Variants in TTBK2 observed in about 807,000 individuals in gnomAD.
TTBK2 encodes tau-tubulin kinase 2.
TTBK2 carries 28 observed loss-of-function variants against 110.8 expected under a neutral mutation model. That is an observed-to-expected ratio of 0.25 (90% CI 0.19 to 0.35). The LOEUF (loss-of-function observed/expected upper bound fraction) is 0.35. Ranked by LOEUF, TTBK2 falls within the 10% of genes least tolerant of loss-of-function variation. The pLI is 1.00. For synonymous variants in TTBK2, 532 were observed against 527.3 expected (o/e 1.01, Z -0.12); for missense variants, 1,369 against 1,500.3 (o/e 0.91, Z 1.45).
chr15:42,825,484 G>T (rs921641842), intron 6 of TTBK2, among the ~76,000 whole-genome samples: 2 of 152,172 alleles, frequency 1.3e-5, no homozygotes, highest in African/African-American at 4.8e-5. Flanking sequence ...GCCAAAGAGG[G>T]TGGATCCCTT....
intron 1 of TTBK2, among the ~76,000 whole-genome samples, chr15:42,897,323 AT>A (rs540248270): frequency 2.0e-5 from 3 of 152,042 alleles, no homozygotes; most frequent in Non-Finnish European, 2.9e-5. Context: ...ATCTATAATC[AT>A]TTTTTTTACT....
intron 9 of TTBK2, chr15:42,802,284 C>T (rs1361238932): frequency 1.3e-6 from 1 of 792,324 alleles, no homozygotes; most frequent in African/African-American, 1.7e-5. Context: ...TGCTGCTGCC[C>T]ATTCGGGAGA....
chr15:42,786,994 G>A (rs962271343), intron 10 of TTBK2, among the ~76,000 whole-genome samples: 1 of 152,270 alleles, frequency 6.6e-6, no homozygotes, highest in Non-Finnish European at 1.5e-5. Flanking sequence ...CAGATTAAGG[G>A]AATAAGTAAG....
intron 7 of TTBK2, among the ~76,000 whole-genome samples, chr15:42,816,118 A>ATATATATATATATATATG (rs1235814767): frequency 2.9e-5 from 3 of 104,164 alleles, no homozygotes; most frequent in African/African-American, 1.2e-4. Context: ...ATATATATAT[A>ATATATATATATATATATG]TGTGTATATT....
At chr15:42,780,668 C>T (rs1890144190) in intron 11 of TTBK2, among the ~76,000 whole-genome samples, 1 of 151,910 alleles carries the variant, frequency 6.6e-6, no homozygotes, top group African/African-American at 2.4e-5. Context: ...GAAACAAGTT[C>T]ATATAAAAAT....
At position 42,743,638 on chromosome 15, in the gene TTBK2, CACTCTA is replaced by C. The variant is rs1213010696; in HGVS notation, c.*2151_*2156del. On this transcript the variant is annotated 3_prime_UTR_variant, in exon 15 of 15. Transcript: ENST00000267890. ...AGACTCATCATCATCCCAGTTTATCCACTCTAACTATAAGGAGAGAACTATGTGATT... is the reference window on the plus strand; with the variant it reads ...AGACTCATCATCATCCCAGTTTATCCACTATAAGGAGAGAACTATGTGATT... 2.6e-5 allele frequency: 4 copies of C among 152,200 alleles called. No individual in the cohort carries two copies. Among genetic ancestry groups the C allele is most frequent in the Non-Finnish European group, 1.5e-5 (1 of 68,030 alleles). The allele number at this position is 152,200 out of a possible 1,614,324, so 9.4% of individuals were successfully genotyped here.
At chr15:42,771,484 G>C (rs1321462519) in intron 13 of TTBK2, among the ~76,000 whole-genome samples, 1 of 152,056 alleles carries the variant, frequency 6.6e-6, no homozygotes. Flanking sequence ...TGACAGGTTG[G>C]TGCCAACTTG....
chr15:42,831,511 A>G (rs1892758209), intron 4 of TTBK2, among the ~76,000 whole-genome samples: 1 of 152,232 alleles, frequency 6.6e-6, no homozygotes, highest in Admixed American at 6.5e-5. Flanking sequence ...TCTGCCATTC[A>G]TGATTGCACT....
chr15:42,834,046 G>A (rs559944325), intron 4 of TTBK2, among the ~76,000 whole-genome samples: 1 of 151,172 alleles, frequency 6.6e-6, no homozygotes, highest in South Asian at 2.1e-4. Flanking sequence ...AACAAAATTA[G>A]CTGGGCATGG....
At chr15:42,889,863 T>C (rs1030956318) in intron 1 of TTBK2, among the ~76,000 whole-genome samples, 3 of 152,116 alleles carry the variant, frequency 2.0e-5, no homozygotes, top group African/African-American at 4.8e-5. Flanking sequence ...CTGAGAAACA[T>C]TGCCCATTAT....
At chr15:42,820,973 C>T (rs1338685811) in intron 6 of TTBK2, among the ~76,000 whole-genome samples, 1 of 151,870 alleles carries the variant, frequency 6.6e-6, no homozygotes, top group Admixed American at 6.6e-5. Flanking sequence ...ACTGCTGAGC[C>T]ATGGCTGTAG....
intron 1 of TTBK2, among the ~76,000 whole-genome samples, chr15:42,899,706 T>C (rs1895808826): frequency 6.6e-6 from 1 of 151,060 alleles, no homozygotes; most frequent in South Asian, 2.1e-4. Flanking sequence ...GCCACTGCAC[T>C]CCAGCCTAGT....
At chr15:42,759,920 A>T (rs1366780582) in intron 13 of TTBK2, among the ~76,000 whole-genome samples, 2 of 152,222 alleles carry the variant, frequency 1.3e-5, no homozygotes, top group Non-Finnish European at 2.9e-5. Flanking sequence ...ATCATAAGGA[A>T]TTATACAAAA....
chr15:42,768,013 G>A (rs751102645), intron 13 of TTBK2, among the ~76,000 whole-genome samples: 5 of 152,082 alleles, frequency 3.3e-5, no homozygotes, highest in South Asian at 2.1e-4. Flanking sequence ...GACAAAAACC[G>A]TATGTTTATC....
In TTBK2 at chr15:42,753,019, G is replaced by C. The variant is rs1335612485; in HGVS notation, c.2227C>G (p.Pro743Ala). Residue 743 changes from proline (P) to alanine (A), a missense_variant, in exon 14 of 15, where the codon CCC becomes GCC. Around this residue, in one of 4 missense-constraint regions of TTBK2, gnomAD observed 1,097 missense variants for 1,114.7 expected, o/e 0.98. Transcript: ENST00000267890. ...GATTTGTTACTTTCTCTAATGTTGG[G>C]TAACATGTCATGACCAATGTGATCT... ...QIDHIGHDML[P>A]NIRESNKSQD... 6.2e-7 allele frequency: 1 copy of C among 1,614,008 alleles called. No homozygotes were observed. Among genetic ancestry groups the C allele is most frequent in the African/African-American group, 1.3e-5 (1 of 74,876 alleles).
chr15:42,789,793 A>G (rs1403059791), intron 10 of TTBK2, among the ~76,000 whole-genome samples: 1 of 151,498 alleles, frequency 6.6e-6, no homozygotes, highest in African/African-American at 2.4e-5. Flanking sequence ...GTGTGTGTGT[A>G]AGTATTTATA....
intron 1 of TTBK2, among the ~76,000 whole-genome samples, chr15:42,916,761 C>G (rs1390592473): frequency 6.6e-6 from 1 of 151,960 alleles, no homozygotes; most frequent in Non-Finnish European, 1.5e-5. Flanking sequence ...AAAATATGAA[C>G]AAAATATAGT....
At chr15:42,811,501 GA>G (rs1390999127) in intron 8 of TTBK2, among the ~76,000 whole-genome samples, 186 bp downstream of exon 8, 1 of 152,078 alleles carries the variant, frequency 6.6e-6, no homozygotes, top group African/African-American at 2.4e-5. Context: ...CATGTACACA[GA>G]AAAATCTCAT....
intron 9 of TTBK2, chr15:42,798,278 G>A (rs1423860177): frequency 2.2e-6 from 1 of 456,236 alleles, no homozygotes; most frequent in Admixed American, 2.3e-5. Flanking sequence ...AAACTGGAAA[G>A]GGAGAAGGGA....
Sources: allele counts gnomAD v4.1 joint callset (sites outside exome capture counted in the v4.1 genomes callset), GRCh38; gene constraint gnomAD v4.1.1; regional missense constraint gnomAD v4.1.1; transcripts MANE v1.5; gene names NCBI Gene and HGNC (gene_info 2026-07-23, HGNC 2026-07-21).